The following TYW5 variants were observed in gnomAD, a reference collection of about 807,000 sequenced individuals.
The protein encoded by TYW5 is tRNA wybutosine-synthesizing protein 5.
In TYW5, 36 loss-of-function variants were observed where a neutral mutation model predicts 44.4. That is an observed-to-expected ratio of 0.81 (90% CI 0.62 to 1.07). The LOEUF (loss-of-function observed/expected upper bound fraction) is 1.07. Ranked by LOEUF, TYW5 falls within the 50% of genes least tolerant of loss-of-function variation. The probability of loss-of-function intolerance (pLI) is 0.00; values close to 1 mark genes in which losing one functional copy is unlikely to be tolerated. For synonymous variants in TYW5, 121 were observed against 128.1 expected, an observed-to-expected ratio of 0.94 and a Z score of 0.37; for missense variants, 354 against 365.7, an observed-to-expected ratio of 0.97 and a Z score of 0.26.
intron 4 of TYW5, among the ~76,000 whole-genome samples, chr2:199,939,637 A>G (rs2077449318): frequency 6.6e-6 from 1 of 152,208 alleles, no homozygotes; most frequent in African/African-American, 2.4e-5. Flanking sequence ...GGACTAAAAG[A>G]GAGGGTAAAC....
At chr2:199,941,337 G>A (rs1033800628) in intron 3 of TYW5, among the ~76,000 whole-genome samples, 4 of 152,124 alleles carry the variant, frequency 2.6e-5, no homozygotes, top group African/African-American at 2.4e-5. Flanking sequence ...CACTGTGCGA[G>A]GCCAAAAATT....
chr2:199,932,881 T>C lies in TYW5; in HGVS notation c.*186A>G. The C allele has an allele frequency of 1.5e-6, 1 of 656,158 alleles. No individual in the cohort carries two copies. The highest frequency in any genetic ancestry group is 2.5e-6 in the Non-Finnish European group (1 of 407,354). 40.6% of individuals were successfully genotyped at this position (656,158 alleles called of 1,614,324 possible). A position where few individuals can be genotyped will look rare whatever the true frequency, so the allele number is the denominator to read the frequency against. On this transcript the variant is annotated 3_prime_UTR_variant, in exon 8 of 8. Transcript: ENST00000354611. Reference sequence around the variant, plus strand: ...CTTTTAGTGGTCAGCATCTGAATGTTAAAGAGTGGTCCCAGCACAGCATTC... The same window carrying C: ...CTTTTAGTGGTCAGCATCTGAATGTCAAAGAGTGGTCCCAGCACAGCATTC...
At position 199,931,032 on chromosome 2, in the gene TYW5, C is replaced by T. The variant is rs531756901; in HGVS notation, c.*2035G>A. 6.6e-6 allele frequency: 1 copy of T among 152,216 alleles called. No individual in the cohort carries two copies. Among genetic ancestry groups the T allele is most frequent in the East Asian group, 1.9e-4 (1 of 5,184 alleles). 9.4% of individuals were successfully genotyped at this position (152,216 alleles called of 1,614,324 possible). A position where few individuals can be genotyped will look rare whatever the true frequency, so the allele number is the denominator to read the frequency against. ...ATATTTTGTATTTGAAATAAACAGA[C>T]CCTAATATTAATTATGACCAGGGAA... On this transcript the variant is annotated 3_prime_UTR_variant, in exon 8 of 8. Transcript: ENST00000354611.
chr2:199,936,604 A>T, intron 5 of TYW5, 112 bp from the exon 6 acceptor site: 2 of 808,348 alleles, frequency 2.5e-6, no homozygotes, highest in Admixed American at 4.5e-5. Flanking sequence ...GACTTGACTT[A>T]CTTAAGACTC....
intron 3 of TYW5, among the ~76,000 whole-genome samples, chr2:199,940,791 T>C (rs2077457972): frequency 6.6e-6 from 1 of 152,172 alleles, no homozygotes; most frequent in Non-Finnish European, 1.5e-5. Context: ...AATGATTTAG[T>C]CTTTATGTTC....
At chr2:199,950,534 G>A (rs1174918519) in intron 1 of TYW5, among the ~76,000 whole-genome samples, 1 of 152,156 alleles carries the variant, frequency 6.6e-6, no homozygotes, top group African/African-American at 2.4e-5. Context: ...TCACATCTCT[G>A]TGGGTCTTCC....
At chr2:199,939,192 ATCTCTCTCTCTCTATCTTTC>A (rs2077445051) in intron 4 of TYW5, 122 bp from the exon 5 acceptor site, 1 of 820,414 alleles carries the variant, frequency 1.2e-6, no homozygotes, top group African/African-American at 1.7e-5. Flanking sequence ...CCAATACATG[ATCTCTCTCTCTCTATCTTTC>A]TCTCTCTCTC....
rs1200779400 is a variant in TYW5 at position 199,929,566 on chromosome 2, T to C, written c.*3501A>G. 6.6e-6 allele frequency among the ~76,000 whole-genome samples: 1 copy of C among 151,450 alleles called. No individual in the cohort carries two copies. The highest frequency in any genetic ancestry group is 6.6e-5 in the Admixed American group (1 of 15,212). On this transcript the variant is annotated 3_prime_UTR_variant, in exon 8 of 8. Coordinates refer to ENST00000354611, the MANE Select transcript of TYW5 (RefSeq NM_001039693.3). ...TCCAGCTTCCTGCATTTTTTTTTTT[T>C]TTTTTTTGTCAACTCCTTTGATGTC...
chr2:199,953,146 A>T (rs1178388259), intron 1 of TYW5, among the ~76,000 whole-genome samples: 1 of 151,910 alleles, frequency 6.6e-6, no homozygotes, highest in Non-Finnish European at 1.5e-5. Flanking sequence ...ACATGGCGAA[A>T]CTCCGCCTCT....
In TYW5 at chr2:199,930,242, T is replaced by G. The variant is rs1202551231; in HGVS notation, c.*2825A>C. 1 of 152,132 alleles carries G rather than the reference T, an allele frequency of 6.6e-6. No individual in the cohort carries two copies. Among genetic ancestry groups the G allele is most frequent in the Non-Finnish European group, 1.5e-5 (1 of 68,038 alleles). The allele number at this position is 152,132 out of a possible 1,614,324, so 9.4% of individuals were successfully genotyped here. ...TCCACCCACCTCGGTGCATATAGTATTTTTAAAATGTATTTTGAAAGGATA... is the reference window on the plus strand; with the variant it reads ...TCCACCCACCTCGGTGCATATAGTAGTTTTAAAATGTATTTTGAAAGGATA... On this transcript the variant is annotated 3_prime_UTR_variant, in exon 8 of 8. Transcript: ENST00000354611.
chr2:199,939,056 G>A lies in TYW5; in HGVS notation c.363C>T (p.Ile121=). ...GEDPRKDVAD[I]RKQFPLLKGD... ...CTTTCAACAAAGGAAACTGCTTTCT[G>A]ATATCTGCAACATCCTGCATTTACA... The change falls in exon 5 of 8, where the codon ATC becomes ATT. Residue 121 remains isoleucine (I), a synonymous_variant. Coordinates refer to ENST00000354611, the MANE Select transcript of TYW5 (RefSeq NM_001039693.3). The A allele has an allele frequency of 3.1e-6, 5 of 1,609,402 alleles. No individual in the cohort carries two copies. Among genetic ancestry groups the A allele is most frequent in the Non-Finnish European group, 4.2e-6 (5 of 1,178,628 alleles).
chr2:199,939,210 T>TTC (rs143813020), intron 4 of TYW5, 140 bp from the exon 5 acceptor site: 30 of 695,572 alleles, frequency 4.3e-5, no homozygotes, highest in South Asian at 9.5e-5. Context: ...CTCTCTATCT[T>TTC]TCTCTCTCTC....
rs764378011 is a variant in TYW5, at chr2:199,955,407, G to A, written c.64C>T (p.His22Tyr). 12 of 1,613,778 alleles carry A rather than the reference G, an allele frequency of 7.4e-6. No homozygotes were observed. Among genetic ancestry groups the A allele is most frequent in the Non-Finnish European group, 1.0e-5 (12 of 1,179,926 alleles). The change falls in exon 1 of 8, where the codon CAC becomes TAC. Residue 22 changes from histidine to tyrosine, a missense_variant. Coordinates refer to ENST00000354611, the MANE Select transcript of TYW5 (RefSeq NM_001039693.3). ...EGVSREQFMQHLYPQRKPLVL... is the reference protein window; with the variant it reads ...EGVSREQFMQYLYPQRKPLVL... ...GAGGGCCTCACCTGTGGGTAGAGGT[G>A]CTGCATGAACTGCTCCCGAGAAACG...
chr2:199,942,732 G>A (rs1347394031), intron 3 of TYW5: 1 of 152,116 alleles, frequency 6.6e-6, no homozygotes, highest in Non-Finnish European at 1.5e-5. Flanking sequence ...TACCTGACAA[G>A]AGGACTGTAA....
chr2:199,951,934 A>C (rs777970086), intron 1 of TYW5, among the ~76,000 whole-genome samples: 1 of 151,812 alleles, frequency 6.6e-6, no homozygotes, highest in Non-Finnish European at 1.5e-5. Flanking sequence ...GGAGAATGGC[A>C]TGAACCCGGG....
intron 1 of TYW5, 160 bp downstream of exon 1, chr2:199,955,233 T>G (rs2077586745): frequency 1.4e-6 from 1 of 710,802 alleles, no homozygotes; most frequent in African/African-American, 1.8e-5. Flanking sequence ...GCGTCCCCCG[T>G]GCACCTTTCC....
In TYW5 at chr2:199,955,263, A is replaced by G. The variant is rs2077587338; in HGVS notation, c.78+130T>C. On this transcript the variant is annotated intron_variant, in intron 1 of 7. Coordinates refer to ENST00000354611, the MANE Select transcript of TYW5 (RefSeq NM_001039693.3). ...CTTTCCCTTGGTCTAAGGGCCAACC[A>G]GTGATCTGCTGCCGTCCTGCGCCTC... The G allele has an allele frequency of 4.8e-6, 5 of 1,031,934 alleles. No homozygotes were observed. The Admixed American group carries it at 7.4e-5, about 15-fold the overall frequency. 63.9% of individuals were successfully genotyped at this position (1,031,934 alleles called of 1,614,324 possible).
intron 2 of TYW5, chr2:199,945,781 A>C (rs780594245): frequency 8.5e-5 from 13 of 152,272 alleles, no homozygotes; most frequent in Admixed American, 2.0e-4. Context: ...AGAGTAGCTC[A>C]GCCCAGATAA....
intron 4 of TYW5, 100 bp downstream of exon 4, chr2:199,939,989 G>A (rs1453101081): frequency 9.1e-7 from 1 of 1,099,210 alleles, no homozygotes; most frequent in African/African-American, 1.6e-5. Flanking sequence ...GATAGAACAG[G>A]GAATATGTCA....
Sources: allele counts gnomAD v4.1 joint callset (sites outside exome capture counted in the v4.1 genomes callset), GRCh38; gene constraint gnomAD v4.1.1; transcripts MANE v1.5; gene names NCBI Gene and HGNC (gene_info 2026-07-23, HGNC 2026-07-21).